The following THEM4 variants were observed in gnomAD, a reference collection of about 807,000 sequenced individuals.
The protein encoded by THEM4 is acyl-coenzyme A thioesterase THEM4.
In THEM4, 22 loss-of-function variants were observed where a neutral mutation model predicts 25.0. That is an observed-to-expected ratio of 0.88 (90% CI 0.63 to 1.26). The LOEUF (loss-of-function observed/expected upper bound fraction) is 1.26, where lower values mean the gene tolerates loss of function less well. Ranked by LOEUF, THEM4 falls within the 50% of genes most tolerant of loss-of-function variation. The pLI is 0.00. For missense variants in THEM4, 286 were observed against 300.3 expected, an observed-to-expected ratio of 0.95 and a Z score of 0.35; for synonymous variants, 113 against 105.6, an observed-to-expected ratio of 1.07 and a Z score of -0.43.
intron 4 of THEM4, among the ~76,000 whole-genome samples, chr1:151,886,015 A>G (rs1653959666): frequency 6.6e-6 from 1 of 152,236 alleles, no homozygotes; most frequent in African/African-American, 2.4e-5. Flanking sequence ...TGTATACAAA[A>G]AAACAGAGAG....
intron 2 of THEM4, among the ~76,000 whole-genome samples, chr1:151,893,375 A>AG (rs1437838349): frequency 3.4e-5 from 1 of 29,062 alleles, no homozygotes; most frequent in Non-Finnish European, 8.7e-5. Context: ...CATTCTCAAA[A>AG]CCAAAAACAA....
intron 1 of THEM4, among the ~76,000 whole-genome samples, chr1:151,898,086 C>T (rs539108905): frequency 1.3e-4 from 20 of 152,278 alleles, no homozygotes; most frequent in Admixed American, 1.0e-3. Flanking sequence ...GGAGAAGCTT[C>T]CTGGCCAGAA....
Position 151,872,006 on chromosome 1 carries a change from T to C in THEM4, c.*2882A>G, listed in dbSNP as rs551869761. On this transcript the variant is annotated 3_prime_UTR_variant, in exon 6 of 6. Coordinates refer to ENST00000368814, the MANE Select transcript of THEM4 (RefSeq NM_053055.5). Reference sequence around the variant, plus strand: ...CCACTCTCTTAAGTTTCAGGATTTGTTGGAAGACTGGGAATAGAGGGTGGC... The same window carrying C: ...CCACTCTCTTAAGTTTCAGGATTTGCTGGAAGACTGGGAATAGAGGGTGGC... 1.2e-4 allele frequency among the ~76,000 whole-genome samples: 18 copies of C among 152,368 alleles called. No individual in the cohort carries two copies. In the South Asian group the frequency reaches 3.7e-3, roughly 32 times the overall value.
chr1:151,891,495 G>C (rs1234430099), intron 2 of THEM4: 1 of 152,172 alleles, frequency 6.6e-6, no homozygotes, highest in Non-Finnish European at 1.5e-5. Context: ...TAGGTTAGGT[G>C]GGCTACAAAA....
rs1486747144 is a variant in THEM4, at chr1:151,874,868, T to C, written c.*20A>G. 3 of 1,612,242 alleles carry C rather than the reference T, an allele frequency of 1.9e-6. No homozygotes were observed. Among genetic ancestry groups the C allele is most frequent in the Non-Finnish European group, 1.7e-6 (2 of 1,178,896 alleles). ...TTCTTCTGGAGGGGCGAGAATGAGA[T>C]GGAGTTCACCAGCAGCTCTTTATGT... is the stretch of plus-strand genomic sequence containing the variant. On this transcript the variant is annotated 3_prime_UTR_variant, in exon 6 of 6. Coordinates refer to ENST00000368814, the MANE Select transcript of THEM4 (RefSeq NM_053055.5).
At position 151,874,730 on chromosome 1, in the gene THEM4, T is replaced by G. The variant is rs1015604840; in HGVS notation, c.*158A>C. On this transcript the variant is annotated 3_prime_UTR_variant, in exon 6 of 6. Transcript: ENST00000368814. ...TTTCTGTGTTAAAAAGTTGAGAAGATGGAAACTGAATCCTCTTTGTATTCA... is the reference window on the plus strand; with the variant it reads ...TTTCTGTGTTAAAAAGTTGAGAAGAGGGAAACTGAATCCTCTTTGTATTCA... 5 of 720,500 alleles carry G rather than the reference T, an allele frequency of 6.9e-6. No individual in the cohort carries two copies. In the Admixed American group the frequency reaches 1.1e-4, roughly 16 times the overall value. 44.6% of individuals were successfully genotyped at this position (720,500 alleles called of 1,614,324 possible).
intron 4 of THEM4, among the ~76,000 whole-genome samples, chr1:151,881,733 G>C (rs1207095639): frequency 6.6e-6 from 1 of 152,130 alleles, no homozygotes; most frequent in Non-Finnish European, 1.5e-5. Flanking sequence ...CTCTATCTTA[G>C]CTCTGCTTTT....
chr1:151,896,441 A>G (rs966085537), intron 1 of THEM4, among the ~76,000 whole-genome samples: 9 of 152,214 alleles, frequency 5.9e-5, no homozygotes, highest in African/African-American at 2.2e-4. Flanking sequence ...ATGTGAGAAC[A>G]GCCTAATGCA....
intron 1 of THEM4, among the ~76,000 whole-genome samples, chr1:151,905,312 C>T (rs1654433563): frequency 6.6e-6 from 1 of 152,058 alleles, no homozygotes; most frequent in Admixed American, 6.5e-5. Context: ...TCCTTTTTTG[C>T]CCAATAAATT....
intron 1 of THEM4, among the ~76,000 whole-genome samples, chr1:151,896,134 A>G (rs534299801): frequency 2.4e-3 from 364 of 151,966 alleles, no homozygotes; most frequent in African/African-American, 8.3e-3. Flanking sequence ...CTGGAGTTAC[A>G]GGTGCCGCCC....
chr1:151,905,417 T>TG (rs982951794), intron 1 of THEM4, among the ~76,000 whole-genome samples: 14 of 152,168 alleles, frequency 9.2e-5, no homozygotes, highest in African/African-American at 3.4e-4. Context: ...TTTTTTTTTT[T>TG]GAGACAGAGT....
chr1:151,890,185 G>C (rs1060870), intron 2 of THEM4: 3 of 456,982 alleles, frequency 6.6e-6, no homozygotes, highest in Non-Finnish European at 1.3e-5. Context: ...GATTATAGGC[G>C]TGAGCCACAG....
chr1:151,894,640 A>T (rs546164564), intron 2 of THEM4, among the ~76,000 whole-genome samples: 3 of 152,132 alleles, frequency 2.0e-5, no homozygotes, highest in Non-Finnish European at 2.9e-5. Context: ...GTATAACCTG[A>T]GTGTTCTAAG....
At chr1:151,879,187 G>C (rs1177131333) in intron 4 of THEM4, among the ~76,000 whole-genome samples, 1 of 152,080 alleles carries the variant, frequency 6.6e-6, no homozygotes, top group Non-Finnish European at 1.5e-5. Flanking sequence ...TAGAAAGCCT[G>C]AATAGTTGAA....
intron 2 of THEM4, among the ~76,000 whole-genome samples, chr1:151,893,596 A>T (rs1330857110): frequency 2.6e-5 from 4 of 152,138 alleles, no homozygotes; most frequent in Non-Finnish European, 5.9e-5. Context: ...GTTCACTCAC[A>T]GCAGGAAGAA....
intron 2 of THEM4, chr1:151,890,158 GCCTC>G (rs1654063929): frequency 1.3e-5 from 6 of 453,684 alleles, no homozygotes; most frequent in Non-Finnish European, 2.7e-5. Context: ...GCCTGCCTTG[GCCTC>G]CCAAAGTGCT....
intron 4 of THEM4, among the ~76,000 whole-genome samples, chr1:151,880,479 A>G (rs1653788851): frequency 1.3e-5 from 2 of 148,524 alleles, no homozygotes; most frequent in Non-Finnish European, 3.0e-5. Flanking sequence ...CTCTGTCTTG[A>G]AAAAAAAAAA....
At chr1:151,876,820 T>C (rs1424942916) in intron 5 of THEM4, among the ~76,000 whole-genome samples, 181 bp downstream of exon 5, 2 of 152,102 alleles carry the variant, frequency 1.3e-5, no homozygotes, top group Non-Finnish European at 1.5e-5. Flanking sequence ...TTGTTCTTTG[T>C]ATGACAGGGA....
intron 4 of THEM4, among the ~76,000 whole-genome samples, chr1:151,884,216 A>T (rs998271413): frequency 6.6e-6 from 1 of 152,174 alleles, no homozygotes; most frequent in Non-Finnish European, 1.5e-5. Context: ...AAAAATACAG[A>T]ATGAAAAGCA....
Sources: gnomAD v4.1 joint callset for allele counts (sites outside exome capture counted in the v4.1 genomes callset) on GRCh38, gnomAD v4.1.1 for gene constraint, MANE v1.5 for transcripts, NCBI Gene and HGNC (gene_info 2026-07-23, HGNC 2026-07-21) for gene names.